TRIO: variants seen among roughly 807,000 people sequenced by gnomAD.
TRIO encodes the protein trio Rho guanine nucleotide exchange factor, also known as triple functional domain protein.
Under a neutral mutation model 351.9 loss-of-function variants are expected in TRIO, and 58 were observed. The observed-to-expected ratio is 0.16, with a 90% CI of 0.13 to 0.21. The LOEUF is 0.21. TRIO is among the 10% of genes least tolerant of loss of function. The pLI is 1.00. For synonymous variants in TRIO, 1,758 were observed against 1,595.7 expected (o/e 1.10, Z -2.42); for missense variants, 3,201 against 4,027.8 (o/e 0.79, Z 5.56).
At chr5:14,290,632 T>A in intron 4 of TRIO, 84 bp from the exon 5 acceptor site, 1 of 1,388,520 alleles carries the variant, frequency 7.2e-7, no homozygotes, top group Non-Finnish European at 9.7e-7. Context: ...TTTGAAAACC[T>A]GTGACTGAGC....
intron 34 of TRIO, among the ~76,000 whole-genome samples, chr5:14,444,080 CT>C (rs34641629): frequency 0.48 from 69,927 of 144,932 alleles, 19,016 homozygotes; most frequent in African/African-American, 0.78. Flanking sequence ...CTCTTGAAGT[CT>C]TTTTTTTTTT....
chr5:14,397,756 A>G (rs1425391187), intron 29 of TRIO, among the ~76,000 whole-genome samples: 1 of 152,176 alleles, frequency 6.6e-6, no homozygotes, highest in Non-Finnish European at 1.5e-5. Flanking sequence ...CTGTGTCTTT[A>G]TGGGTAACAC....
rs1394171124 is a variant in TRIO, at chr5:14,280,384, A to C, written c.295A>C (p.Ile99Leu). Residue 99 changes from isoleucine to leucine, a missense_variant, in exon 3 of 57, where the codon ATA becomes CTA. Transcript: ENST00000344204. Reference sequence around the variant, plus strand: ...TCCGGCCCGCAGCAATCATGACAGAATACGACAGGAGGATCTCAGGAGACT... The same window carrying C: ...TCCGGCCCGCAGCAATCATGACAGACTACGACAGGAGGATCTCAGGAGACT... ...TFPARSNHDR[I>L]RQEDLRRLIS... The C allele has an allele frequency of 6.2e-7, 1 of 1,614,150 alleles. No homozygotes were observed. Among genetic ancestry groups the C allele is most frequent in the Admixed American group, 1.7e-5 (1 of 60,026 alleles).
chr5:14,279,309 CTTCTGCTGTAT>C (rs1228026635), intron 2 of TRIO, among the ~76,000 whole-genome samples: 1 of 152,100 alleles, frequency 6.6e-6, no homozygotes, highest in Non-Finnish European at 1.5e-5. Flanking sequence ...ATACCATCAT[CTTCTGCTGTAT>C]GCTTTTTGGC....
intron 1 of TRIO, among the ~76,000 whole-genome samples, chr5:14,187,249 G>A (rs1234397158): frequency 1.3e-5 from 2 of 152,194 alleles, no homozygotes; most frequent in Non-Finnish European, 2.9e-5. Flanking sequence ...GTAGTATATA[G>A]CATTAACAAG....
intron 1 of TRIO, among the ~76,000 whole-genome samples, chr5:14,232,703 G>T (rs1793521327): frequency 6.6e-6 from 1 of 152,174 alleles, no homozygotes; most frequent in Non-Finnish European, 1.5e-5. Flanking sequence ...AGCTATGGAT[G>T]ACAAACTTAA....
intron 3 of TRIO, among the ~76,000 whole-genome samples, chr5:14,281,559 G>C (rs356028): frequency 0.54 from 81,595 of 151,680 alleles, 22,099 homozygotes; most frequent in East Asian, 0.57. Flanking sequence ...TTTAATTGTT[G>C]CAGTTATATT....
intron 5 of TRIO, 120 bp from the exon 6 acceptor site, chr5:14,292,892 C>A: frequency 2.2e-6 from 3 of 1,393,778 alleles, no homozygotes; most frequent in Non-Finnish European, 3.0e-6. Flanking sequence ...GAGAATCAGA[C>A]AGCGCTTGAA....
At chr5:14,392,171 T>A (rs1367545602) in intron 27 of TRIO, among the ~76,000 whole-genome samples, 1 of 152,074 alleles carries the variant, frequency 6.6e-6, no homozygotes, top group Non-Finnish European at 1.5e-5. Context: ...GGGAGGAAAT[T>A]TTTGCAGTCT....
At chr5:14,226,269 T>C (rs1457641177) in intron 1 of TRIO, among the ~76,000 whole-genome samples, 1 of 152,018 alleles carries the variant, frequency 6.6e-6, no homozygotes, top group Non-Finnish European at 1.5e-5. Flanking sequence ...GCCTGTCTGA[T>C]TGGTGTCACC....
At chr5:14,446,579 T>C (rs1445945779) in intron 34 of TRIO, among the ~76,000 whole-genome samples, 2 of 152,152 alleles carry the variant, frequency 1.3e-5, no homozygotes, top group Non-Finnish European at 2.9e-5. Context: ...TTTGTGTGCT[T>C]GGGAGTAGAT....
At chr5:14,441,917 C>T (rs28559925) in intron 34 of TRIO, among the ~76,000 whole-genome samples, 1 of 152,098 alleles carries the variant, frequency 6.6e-6, no homozygotes, top group African/African-American at 2.4e-5. Context: ...GCTTTATCTG[C>T]GGAACTAGGG....
At chr5:14,381,322 A>G in intron 21 of TRIO, 70 bp downstream of exon 21, 1 of 1,515,722 alleles carries the variant, frequency 6.6e-7, no homozygotes, top group East Asian at 2.3e-5. Context: ...ATCATAAAGA[A>G]ATACCTCATG....
At chr5:14,238,406 G>C (rs1193407073) in intron 1 of TRIO, among the ~76,000 whole-genome samples, 1 of 152,106 alleles carries the variant, frequency 6.6e-6, no homozygotes, top group Non-Finnish European at 1.5e-5. Context: ...AAGTAAACTC[G>C]AAGCCAAGTA....
At chr5:14,291,558 G>T (rs1216249880) in intron 5 of TRIO, among the ~76,000 whole-genome samples, 1 of 151,904 alleles carries the variant, frequency 6.6e-6, no homozygotes, top group African/African-American at 2.4e-5. Context: ...GGAGGCCGAG[G>T]TGGGCTGATC....
In TRIO at chr5:14,507,236, C is replaced by T. The variant is rs1244896435; in HGVS notation, c.8727C>T (p.Cys2909=). The T allele has an allele frequency of 1.2e-6, 2 of 1,611,572 alleles. No homozygotes were observed. The highest frequency in any genetic ancestry group is 1.3e-5 in the African/African-American group (1 of 74,834). The change falls in exon 56 of 57, where the codon TGC becomes TGT. Residue 2909 remains cysteine (C), a synonymous_variant. Transcript: ENST00000344204. Reference sequence around the variant, plus strand: ...AAGCTGTCCGGTACCTGCACAACTGCAGGATAGCACACCTGGACCTAAAGG... The same window carrying T: ...AAGCTGTCCGGTACCTGCACAACTGTAGGATAGCACACCTGGACCTAAAGG... ...VLEAVRYLHN[C]RIAHLDLKPE...
chr5:14,144,012 C>A, intron 1 of TRIO, 130 bp downstream of exon 1: 1 of 653,686 alleles, frequency 1.5e-6, no homozygotes, highest in Non-Finnish European at 1.9e-6. Context: ...CCCGCAGGCT[C>A]TCGCCTGGGA....
chr5:14,479,470 A>G (rs1050583844), intron 42 of TRIO, 120 bp downstream of exon 42: 5 of 802,882 alleles, frequency 6.2e-6, no homozygotes, highest in Non-Finnish European at 9.8e-6. Context: ...AGCCTGAGTG[A>G]TAAGACTTCT....
rs1737442691 is a variant in TRIO, at chr5:14,297,248, C to T, written c.1353C>T (p.His451=). The change falls in exon 7 of 57, where the codon CAC becomes CAT. Residue 451 remains histidine (H), a synonymous_variant. Coordinates refer to ENST00000344204, the MANE Select transcript of TRIO (RefSeq NM_007118.4). ...STLLDMSSIF[H]QKAEKYMSNV... ...TGCTGGACATGTCCTCCATTTTCCA[C>T]CAGAAGGCCGAAAAGGTCAGTGCCT... 9 of 1,613,896 alleles carry T rather than the reference C, an allele frequency of 5.6e-6. No homozygotes were observed. Among genetic ancestry groups the T allele is most frequent in the Non-Finnish European group, 7.6e-6 (9 of 1,179,870 alleles).
Sources: gnomAD v4.1 joint callset for allele counts (sites outside exome capture counted in the v4.1 genomes callset) on GRCh38, gnomAD v4.1.1 for gene constraint, MANE v1.5 for transcripts, NCBI Gene and HGNC (gene_info 2026-07-23, HGNC 2026-07-21) for gene names.